Variants in NBEA observed in about 807,000 individuals in gnomAD.
NBEA encodes the protein lysosomal-trafficking regulator 2.
In NBEA, 44 loss-of-function variants were observed where a neutral mutation model predicts 343.4. The ratio of observed to expected loss-of-function variants is 0.13; its 90% CI spans 0.10 to 0.16. The LOEUF is 0.16. Ranked by LOEUF, NBEA falls within the 10% of genes least tolerant of loss-of-function variation. The probability of loss-of-function intolerance (pLI) is 1.00; values close to 1 mark genes in which losing one functional copy is unlikely to be tolerated. For missense variants in NBEA, 2,555 were observed against 3,631.3 expected (o/e 0.70, Z 7.62); for synonymous variants, 1,175 against 1,238.7 (o/e 0.95, Z 1.08).
intron 44 of NBEA, among the ~76,000 whole-genome samples, chr13:35,556,937 G>A (rs1057384524): frequency 1.3e-5 from 2 of 152,054 alleles, no homozygotes; most frequent in Non-Finnish European, 2.9e-5. Flanking sequence ...GTACGTTCTT[G>A]TGTAACAGTT....
intron 38 of NBEA, among the ~76,000 whole-genome samples, chr13:35,359,849 T>A (rs1020920257): frequency 2.0e-5 from 3 of 151,198 alleles, no homozygotes; most frequent in Non-Finnish European, 4.4e-5. Flanking sequence ...TGTGTGTGTG[T>A]GTGTGTGTGT....
intron 1 of NBEA, among the ~76,000 whole-genome samples, chr13:34,964,698 T>G (rs1338298320): frequency 1.3e-5 from 2 of 151,982 alleles, no homozygotes; most frequent in Non-Finnish European, 2.9e-5. Flanking sequence ...ATTTGTGTTT[T>G]GCTAAGTGGA....
At chr13:35,016,619 CACAT>C (rs920342795) in intron 1 of NBEA, among the ~76,000 whole-genome samples, 1 of 122,970 alleles carries the variant, frequency 8.1e-6, no homozygotes, top group Admixed American at 8.4e-5. Context: ...CACACACACA[CACAT>C]TTATTTATTT....
At chr13:35,581,391 C>T (rs2081027120) in intron 45 of NBEA, among the ~76,000 whole-genome samples, 1 of 151,896 alleles carries the variant, frequency 6.6e-6, no homozygotes, top group Non-Finnish European at 1.5e-5. Flanking sequence ...AGCATTTTTT[C>T]ATGTGTTTTT....
At chr13:34,947,884 G>A (rs376651870) in intron 1 of NBEA, among the ~76,000 whole-genome samples, 1 of 152,136 alleles carries the variant, frequency 6.6e-6, no homozygotes, top group East Asian at 1.9e-4. Context: ...AGAAATATGT[G>A]TTCAATGTGT....
intron 13 of NBEA, among the ~76,000 whole-genome samples, chr13:35,116,850 T>G (rs1244179111): frequency 3.3e-5 from 5 of 152,076 alleles, no homozygotes; most frequent in African/African-American, 1.2e-4. Context: ...AGAACTGATA[T>G]GCACATTTTA....
chr13:35,350,865 A>T (rs561367741), intron 37 of NBEA, among the ~76,000 whole-genome samples: 3 of 151,842 alleles, frequency 2.0e-5, no homozygotes, highest in Non-Finnish European at 4.4e-5. Context: ...TCTATCCCCC[A>T]TATCAGCCTA....
At chr13:35,515,901 T>TTA (rs1413642756) in intron 41 of NBEA, among the ~76,000 whole-genome samples, 2 of 152,194 alleles carry the variant, frequency 1.3e-5, no homozygotes, top group African/African-American at 2.4e-5. Flanking sequence ...AAAGCACATA[T>TTA]TATATCACAC....
chr13:35,300,359 A>G (rs540654512), intron 35 of NBEA, among the ~76,000 whole-genome samples: 23 of 152,302 alleles, frequency 1.5e-4, no homozygotes, highest in African/African-American at 5.3e-4. Flanking sequence ...TTGAAATTAT[A>G]AAAAGAAATG....
chr13:35,352,361 G>T (rs1443101907), intron 38 of NBEA, 38 bp downstream of exon 38: 3 of 1,126,678 alleles, frequency 2.7e-6, no homozygotes, highest in East Asian at 2.9e-5. Context: ...ATAATTCATA[G>T]GTTAATTATA....
intron 49 of NBEA, among the ~76,000 whole-genome samples, chr13:35,636,441 A>C (rs2083694213): frequency 6.6e-6 from 1 of 152,192 alleles, no homozygotes; most frequent in Non-Finnish European, 1.5e-5. Flanking sequence ...ATATGATTTC[A>C]ATTTGGAATA....
chr13:35,124,973 G>T (rs188980193), intron 17 of NBEA, among the ~76,000 whole-genome samples: 10 of 152,096 alleles, frequency 6.6e-5, no homozygotes, highest in Admixed American at 2.6e-4. Flanking sequence ...AAAGTTAAAG[G>T]ATTGTAGCCC....
At chr13:35,078,715 G>T (rs2064231532) in intron 10 of NBEA, among the ~76,000 whole-genome samples, 1 of 152,128 alleles carries the variant, frequency 6.6e-6, no homozygotes, top group South Asian at 2.1e-4. Context: ...TTATGAAAAA[G>T]TATTACGGTG....
intron 1 of NBEA, among the ~76,000 whole-genome samples, chr13:35,034,941 CA>C (rs914086894): frequency 6.6e-6 from 1 of 151,758 alleles, no homozygotes; most frequent in African/African-American, 2.4e-5. Flanking sequence ...AAAGATTTGT[CA>C]ATTTTGTTTA....
chr13:35,139,622 C>T (rs190608327), intron 17 of NBEA, among the ~76,000 whole-genome samples: 223 of 152,090 alleles, frequency 1.5e-3, no homozygotes, highest in Non-Finnish European at 2.9e-3. Context: ...GTAAATGTCC[C>T]ACTGAAGCCT....
At position 35,126,798 on chromosome 13, in the gene NBEA, A is replaced by G. The variant is rs536631430; in HGVS notation, c.2336+3224A>G. On this transcript the variant is annotated intron_variant, in intron 17 of 58. Coordinates refer to ENST00000379939, the MANE Select transcript of NBEA (RefSeq NM_001385012.1). ...CCGGGCATGGTGGCAGGTGCCTGTC[A>G]TCCCAGCTACTCGGGAGGCTGAGGC... is the stretch of plus-strand genomic sequence containing the variant. Among the ~76,000 whole-genome samples the G allele has an allele frequency of 5.9e-5, 9 of 152,008 alleles. No homozygotes were observed. In the East Asian group the frequency reaches 9.7e-4, roughly 16 times the overall value.
intron 1 of NBEA, among the ~76,000 whole-genome samples, chr13:34,964,690 T>C (rs931179476): frequency 2.0e-5 from 3 of 151,918 alleles, no homozygotes; most frequent in African/African-American, 7.2e-5. Flanking sequence ...AGATACCTAT[T>C]TGTGTTTTGC....
intron 36 of NBEA, among the ~76,000 whole-genome samples, chr13:35,332,021 T>C (rs1178180803): frequency 3.3e-5 from 5 of 152,046 alleles, no homozygotes. Flanking sequence ...ATTCTATTTT[T>C]CTTAGTGTTC....
At chr13:35,172,601 TCAAC>T (rs2070555563) in intron 26 of NBEA, among the ~76,000 whole-genome samples, 1 of 152,260 alleles carries the variant, frequency 6.6e-6, no homozygotes, top group South Asian at 2.1e-4. Flanking sequence ...AGTTGTTTAA[TCAAC>T]CACAGGAAAC....
Sources: allele counts gnomAD v4.1 joint callset (sites outside exome capture counted in the v4.1 genomes callset), GRCh38; gene constraint gnomAD v4.1.1; transcripts MANE v1.5; gene names NCBI Gene and HGNC (gene_info 2026-07-23, HGNC 2026-07-21).